TLK1: variants seen among roughly 807,000 people sequenced by gnomAD.
TLK1 encodes tousled like kinase 1, also known as serine/threonine-protein kinase tousled-like 1.
TLK1 carries 24 observed loss-of-function variants against 105.3 expected under a neutral mutation model. The ratio of observed to expected loss-of-function variants is 0.23; its 90% confidence interval spans 0.17 to 0.32. The LOEUF (loss-of-function observed/expected upper bound fraction) is 0.32, where lower values mean the gene tolerates loss of function less well. Ranked by LOEUF, TLK1 falls within the 10% of genes least tolerant of loss-of-function variation. The pLI, the probability that TLK1 is intolerant of heterozygous loss-of-function variation, is 1.00. For missense variants in TLK1, 558 were observed against 910.5 expected (o/e 0.61, Z 4.98); for synonymous variants, 321 against 310.4 (o/e 1.03, Z -0.36).
At chr2:171,055,362 ACCT>A (rs1399431827) in intron 6 of TLK1, among the ~76,000 whole-genome samples, 190 bp from the exon 7 acceptor site, 5 of 151,938 alleles carry the variant, frequency 3.3e-5, no homozygotes, top group Non-Finnish European at 7.4e-5. Flanking sequence ...TTCATTAAGT[ACCT>A]CCTACATAAG....
intron 1 of TLK1, among the ~76,000 whole-genome samples, chr2:171,123,484 T>C (rs575518315): frequency 1.3e-5 from 2 of 152,148 alleles, no homozygotes; most frequent in Non-Finnish European, 2.9e-5. Flanking sequence ...ATTACAGGCA[T>C]GAGCCACCAC....
chr2:171,040,440 G>A (rs1028883320), intron 11 of TLK1, among the ~76,000 whole-genome samples: 6 of 152,048 alleles, frequency 3.9e-5, no homozygotes, highest in Non-Finnish European at 7.4e-5. Context: ...AGGTATATAG[G>A]AACTCTGTAC....
At chr2:171,081,757 T>C (rs1365820171) in intron 3 of TLK1, 1 of 1,254,980 alleles carries the variant, frequency 8.0e-7, no homozygotes, top group Admixed American at 2.3e-5. Context: ...CATACTCCTT[T>C]GTAGTGTCAG....
chr2:171,149,672 G>A (rs1446569565), intron 1 of TLK1, among the ~76,000 whole-genome samples: 1 of 152,222 alleles, frequency 6.6e-6, no homozygotes, highest in Non-Finnish European at 1.5e-5. Flanking sequence ...TTGGGAGGCA[G>A]AGGCAGGAGG....
In TLK1 at chr2:171,187,080, A is replaced by G. The variant is rs865931191; in HGVS notation, c.-6+44065T>C. On this transcript the variant is annotated intron_variant, in intron 1 of 20. Coordinates refer to the TLK1 transcript ENST00000521943. ...CTCAAAAAAAAAAAAAAAAAAAAAAAAAAGAAAAAGAAAAAGAAAAAGAAA... is the reference window on the plus strand; with the variant it reads ...CTCAAAAAAAAAAAAAAAAAAAAAAGAAAGAAAAAGAAAAAGAAAAAGAAA... 5.6e-3 allele frequency among the ~76,000 whole-genome samples: 716 copies of G among 128,068 alleles called. 16 individuals carry two copies. The highest frequency in any genetic ancestry group is 0.023 in the African/African-American group (650 of 28,684). 84.0% of individuals were successfully genotyped at this position (128,068 alleles called of 152,430 possible). A position where few individuals can be genotyped will look rare whatever the true frequency, so the allele number is the denominator to read the frequency against.
chr2:171,050,674 C>T (rs1687196406), intron 8 of TLK1, among the ~76,000 whole-genome samples: 1 of 152,172 alleles, frequency 6.6e-6, no homozygotes, highest in Non-Finnish European at 1.5e-5. Flanking sequence ...AAGTTGCCTA[C>T]CCAACAACTG....
intron 2 of TLK1, among the ~76,000 whole-genome samples, chr2:171,102,437 T>C (rs1382674347): frequency 1.3e-5 from 2 of 152,200 alleles, no homozygotes; most frequent in African/African-American, 4.8e-5. Context: ...ACATGACAAC[T>C]ACACAATAAG....
chr2:171,083,305 C>T (rs1050696569), intron 2 of TLK1, among the ~76,000 whole-genome samples: 1 of 152,092 alleles, frequency 6.6e-6, no homozygotes, highest in African/African-American at 2.4e-5. Flanking sequence ...ACAAACTGTC[C>T]TGTTTTTCTT....
chr2:171,056,074 A>G (rs1687487757), intron 6 of TLK1, among the ~76,000 whole-genome samples: 2 of 152,032 alleles, frequency 1.3e-5, no homozygotes, highest in South Asian at 4.1e-4. Flanking sequence ...CCTTTTTCTT[A>G]AGGATTCCCA....
intron 2 of TLK1, among the ~76,000 whole-genome samples, chr2:171,091,442 C>T (rs1227508861): frequency 1.3e-5 from 2 of 152,164 alleles, no homozygotes; most frequent in African/African-American, 4.8e-5. Flanking sequence ...ACACAGTAAA[C>T]ATTTCCCATT....
intron 3 of TLK1, among the ~76,000 whole-genome samples, chr2:171,075,813 C>T (rs1688476219): frequency 6.6e-6 from 1 of 152,136 alleles, no homozygotes. Flanking sequence ...TCTAACTTAG[C>T]ATCTTGGGCT....
At chr2:171,070,161 A>G (rs1330385583) in intron 3 of TLK1, among the ~76,000 whole-genome samples, 3 of 151,644 alleles carry the variant, frequency 2.0e-5, no homozygotes, top group Non-Finnish European at 4.4e-5. Context: ...TCCACCAATC[A>G]GCTTAGAAGG....
chr2:171,151,470 CT>C lies in TLK1; in HGVS notation c.139+8819del, dbSNP rs55670860. Among the ~76,000 whole-genome samples, 752 of 124,262 alleles carry C rather than the reference CT, an allele frequency of 6.1e-3. 5 individuals carry two copies. Among genetic ancestry groups the C allele is most frequent in the African/African-American group, 0.011 (346 of 31,298 alleles). 81.5% of individuals were successfully genotyped at this position (124,262 alleles called of 152,430 possible). ...GTCCAGCATTAATAAATATGTGTAT[CT>C]TTTTTTTTTTTTTTTTTTTTTGAGA... On this transcript the variant is annotated intron_variant, in intron 1 of 20. Coordinates refer to ENST00000431350, the MANE Select transcript of TLK1 (RefSeq NM_012290.5).
chr2:171,223,187 T>C (rs568837289), intron 1 of TLK1, among the ~76,000 whole-genome samples: 2 of 152,352 alleles, frequency 1.3e-5, no homozygotes, highest in East Asian at 3.9e-4. Flanking sequence ...CTGGATCATA[T>C]GGTAGTTCTA....
chr2:170,995,386 A>G (rs1457083814), intron 20 of TLK1, among the ~76,000 whole-genome samples: 1 of 152,042 alleles, frequency 6.6e-6, no homozygotes, highest in East Asian at 1.9e-4. Context: ...TTAATATTAT[A>G]TCCCCCCAAC....
chr2:171,066,570 C>T (rs1456292812), intron 3 of TLK1, among the ~76,000 whole-genome samples: 1 of 152,188 alleles, frequency 6.6e-6, no homozygotes, highest in African/African-American at 2.4e-5. Context: ...TTATTTTATG[C>T]TCAATTTTTA....
At chr2:171,068,764 G>A (rs1688127334) in intron 3 of TLK1, among the ~76,000 whole-genome samples, 1 of 152,098 alleles carries the variant, frequency 6.6e-6, no homozygotes, top group Admixed American at 6.5e-5. Context: ...CTAAAATTAA[G>A]AATGTTATTC....
At chr2:171,095,954 A>C (rs1689434514) in intron 2 of TLK1, among the ~76,000 whole-genome samples, 1 of 152,180 alleles carries the variant, frequency 6.6e-6, no homozygotes, top group Non-Finnish European at 1.5e-5. Context: ...TAAGATCAGG[A>C]ACAAGACAAG....
chr2:171,130,580 C>T (rs1357498867), intron 1 of TLK1, among the ~76,000 whole-genome samples: 1 of 152,000 alleles, frequency 6.6e-6, no homozygotes, highest in African/African-American at 2.4e-5. Flanking sequence ...AAGCAACTTG[C>T]CCAAAAATAC....
Sources: allele counts gnomAD v4.1 joint callset (sites outside exome capture counted in the v4.1 genomes callset), GRCh38; gene constraint gnomAD v4.1.1; transcripts MANE v1.5; gene names NCBI Gene and HGNC (gene_info 2026-07-23, HGNC 2026-07-21).